The following RAPGEF6 variants were observed in gnomAD, a reference collection of about 807,000 sequenced individuals.
The protein encoded by RAPGEF6 is Rap guanine nucleotide exchange factor 6.
Under a neutral mutation model 171.4 loss-of-function variants are expected in RAPGEF6, and 56 were observed. The ratio of observed to expected loss-of-function variants is 0.33; its 90% CI spans 0.26 to 0.41. The LOEUF (loss-of-function observed/expected upper bound fraction) is 0.41. Among genes scored for constraint, RAPGEF6 ranks in the 10% least tolerant of loss-of-function variants. RAPGEF6 has a pLI of 1.00. For missense variants in RAPGEF6, 1,674 were observed against 1,921.4 expected, an observed-to-expected ratio of 0.87 and a Z score of 2.41; for synonymous variants, 692 against 650.1, an observed-to-expected ratio of 1.06 and a Z score of -0.98.
Position 131,424,371 on chromosome 5 carries a change from C to T in RAPGEF6, c.*2895G>A, listed in dbSNP as rs996121475. The T allele has an allele frequency of 2.6e-5, 4 of 152,218 alleles. No homozygotes were observed. The highest frequency in any genetic ancestry group is 9.7e-5 in the African/African-American group (4 of 41,412). 9.4% of individuals were successfully genotyped at this position (152,218 alleles called of 1,614,324 possible). A position where few individuals can be genotyped will look rare whatever the true frequency, so the allele number is the denominator to read the frequency against. ...TTTGACACTTTTCTGAAGATTTATCCCGTTTTTCTAGCCTTTAAGGTAATG... is the reference window on the plus strand; with the variant it reads ...TTTGACACTTTTCTGAAGATTTATCTCGTTTTTCTAGCCTTTAAGGTAATG... On this transcript the variant is annotated 3_prime_UTR_variant, in exon 28 of 28. Transcript: ENST00000509018.
At position 131,433,589 on chromosome 5, in the gene RAPGEF6, C is replaced by T. The variant is rs767172992; in HGVS notation, c.3815G>A (p.Arg1272Gln). 8 of 1,613,626 alleles carry T rather than the reference C, an allele frequency of 5.0e-6. No homozygotes were observed. The highest frequency in any genetic ancestry group is 2.7e-5 in the African/African-American group (2 of 74,822). ...SDSSHSEISS[R>Q]SSIVSNCSVD... ...AGAACAATTGCTCACGATGCTGGAC[C>T]GTGAAGAAATCTCACTATGGCTGGA... is the stretch of plus-strand genomic sequence containing the variant. The change falls in exon 25 of 28, where the codon CGG becomes CAG. Residue 1272 changes from arginine to glutamine, a missense_variant. Physicochemically the swap from Arg to Gln is conservative, Grantham distance 43. Around this residue, in one of 3 missense-constraint regions of RAPGEF6, gnomAD observed 552 missense variants for 574.2 expected, o/e 0.96. Transcript: ENST00000509018.
chr5:131,565,431 T>C (rs115370001), intron 4 of RAPGEF6, among the ~76,000 whole-genome samples: 1,851 of 152,306 alleles, frequency 0.012, 39 homozygotes, highest in African/African-American at 0.041. Flanking sequence ...CTCTCCGAAG[T>C]GTTCTACAGA....
chr5:131,425,201 A>T lies in RAPGEF6; in HGVS notation c.*2065T>A, dbSNP rs2149801264. 6.6e-6 allele frequency: 1 copy of T among 152,462 alleles called. No homozygotes were observed. The allele number at this position is 152,462 out of a possible 1,614,324, so 9.4% of individuals were successfully genotyped here. A position where few individuals can be genotyped will look rare whatever the true frequency, so the allele number is the denominator to read the frequency against. On this transcript the variant is annotated 3_prime_UTR_variant, in exon 28 of 28. Transcript: ENST00000509018. ...TCAACACTCTGTGCAAGATATTTAC[A>T]CTATTAAGGACAAAGACAGGTAAGG...
rs575951788 is a variant in RAPGEF6, at chr5:131,453,794, G to A, written c.3077-617C>T. ...AACAGCACGTATAGATTGGACACAT[G>A]AATTGTTCAGGGTCTCAACACAAGC... On this transcript the variant is annotated intron_variant, in intron 20 of 27. Coordinates refer to ENST00000509018, the MANE Select transcript of RAPGEF6 (RefSeq NM_016340.6). Among the ~76,000 whole-genome samples, 5 of 152,276 alleles carry A rather than the reference G, an allele frequency of 3.3e-5. No individual in the cohort carries two copies. In the South Asian group the frequency reaches 8.3e-4, roughly 25 times the overall value.
chr5:131,574,216 G>A (rs957431652), intron 4 of RAPGEF6, among the ~76,000 whole-genome samples: 16 of 152,244 alleles, frequency 1.1e-4, no homozygotes, highest in Middle Eastern at 3.4e-3. Context: ...CTATCTGTGC[G>A]GGACCCCACT....
chr5:131,589,416 T>C (rs916415392), intron 4 of RAPGEF6, among the ~76,000 whole-genome samples: 27 of 152,206 alleles, frequency 1.8e-4, no homozygotes, highest in Non-Finnish European at 5.9e-5. Flanking sequence ...TAGCTAGCAA[T>C]GATTGTTGTT....
At chr5:131,435,054 T>C (rs1751932110) in intron 24 of RAPGEF6, among the ~76,000 whole-genome samples, 1 of 152,224 alleles carries the variant, frequency 6.6e-6, no homozygotes, top group Non-Finnish European at 1.5e-5. Flanking sequence ...AGAAAGAGGA[T>C]GACAACATCC....
chr5:131,517,802 C>T (rs1050382831), intron 7 of RAPGEF6, among the ~76,000 whole-genome samples: 2 of 150,612 alleles, frequency 1.3e-5, no homozygotes, highest in Admixed American at 1.3e-4. Context: ...CACACACACA[C>T]ACACACACAC....
intron 6 of RAPGEF6, among the ~76,000 whole-genome samples, chr5:131,539,546 A>C (rs569024272): frequency 1.3e-5 from 2 of 152,274 alleles, no homozygotes; most frequent in East Asian, 3.9e-4. Flanking sequence ...CCTATTTCTT[A>C]CTACAGGAAT....
chr5:131,531,711 C>T (rs3776013), intron 6 of RAPGEF6, among the ~76,000 whole-genome samples: 96,145 of 151,996 alleles, frequency 0.63, 32,367 homozygotes, highest in Non-Finnish European at 0.77. Flanking sequence ...TTTATGACAG[C>T]ATCATATTAA....
intron 15 of RAPGEF6, among the ~76,000 whole-genome samples, chr5:131,487,849 T>C (rs1756024467): frequency 6.6e-6 from 1 of 152,206 alleles, no homozygotes; most frequent in Non-Finnish European, 1.5e-5. Flanking sequence ...ATGCCAGAGT[T>C]ATTAGGGCTT....
rs746273321 is a variant in RAPGEF6, at chr5:131,456,004, T to C, written c.2873A>G (p.Asn958Ser). Residue 958 changes from asparagine to serine, a missense_variant, in exon 20 of 28, where the codon AAC becomes AGC. Asn to Ser is a conservative substitution (Grantham distance 46). Coordinates refer to ENST00000509018, the MANE Select transcript of RAPGEF6 (RefSeq NM_016340.6). ...NSMFAIISGL[N>S]LASVARLRGT... The stretch of plus-strand genomic sequence containing the variant: ...TCTGAGTCTTGCTACAGATGCCAGG[T>C]TCAAGCCACTGCCAAAGATGAGAAT... 1 of 1,613,864 alleles carries C rather than the reference T, an allele frequency of 6.2e-7. No individual in the cohort carries two copies. The highest frequency in any genetic ancestry group is 8.5e-7 in the Non-Finnish European group (1 of 1,179,904).
Position 131,428,932 on chromosome 5 carries a change from C to A in RAPGEF6, c.4750G>T (p.Asp1584Tyr), listed in dbSNP as rs774656914. Residue 1584 changes from aspartate to tyrosine, a missense_variant, in exon 27 of 28, where the codon GAT becomes TAT. Around this residue, in one of 3 missense-constraint regions of RAPGEF6, gnomAD observed 552 missense variants for 574.2 expected, o/e 0.96. Coordinates refer to ENST00000509018, the MANE Select transcript of RAPGEF6 (RefSeq NM_016340.6). ...GCTTCGCTATCTGCATCAGTCACATCTCCTAGTTTAGGATGGAATGGCTGC... is the reference window on the plus strand; with the variant it reads ...GCTTCGCTATCTGCATCAGTCACATATCCTAGTTTAGGATGGAATGGCTGC... ...NLQPFHPKLG[D>Y]VTDADSEADE... 7.4e-6 allele frequency: 12 copies of A among 1,613,986 alleles called. No individual in the cohort carries two copies. Among genetic ancestry groups the A allele is most frequent in the Middle Eastern group, 1.6e-4 (1 of 6,080 alleles).
At chr5:131,430,691 C>CT (rs750244189) in intron 26 of RAPGEF6, 168 bp downstream of exon 26, 2 of 977,370 alleles carry the variant, frequency 2.0e-6, no homozygotes, top group Admixed American at 3.5e-5. Flanking sequence ...GCTCCAAAGT[C>CT]TTTGAGAAAC....
chr5:131,469,897 A>T, intron 17 of RAPGEF6: 2 of 1,072,812 alleles, frequency 1.9e-6, no homozygotes, highest in Non-Finnish European at 2.7e-6. Context: ...CCCCACTTTC[A>T]TTTTGATCTA....
intron 1 of RAPGEF6, among the ~76,000 whole-genome samples, chr5:131,620,542 C>A (rs1765535573): frequency 6.6e-6 from 1 of 152,120 alleles, no homozygotes; most frequent in Non-Finnish European, 1.5e-5. Flanking sequence ...TTCAGTATTT[C>A]CCAGTGAATA....
rs1211844480 is a variant in RAPGEF6 at position 131,469,944 on chromosome 5, GC to G, written c.2239+2642del. 8.2e-6 allele frequency: 5 copies of G among 606,800 alleles called. No homozygotes were observed. In the Admixed American group the frequency reaches 1.3e-4, roughly 16 times the overall value. 37.6% of individuals were successfully genotyped at this position (606,800 alleles called of 1,614,324 possible). On this transcript the variant is annotated intron_variant, in intron 17 of 27. Coordinates refer to ENST00000509018, the MANE Select transcript of RAPGEF6 (RefSeq NM_016340.6). ...GAAAATGAAGGATAAATATAGGTAA[GC>G]TCAAGACCAATAAACATTAATCAAA... is the stretch of plus-strand genomic sequence containing the variant.
chr5:131,591,279 A>G (rs926145342), intron 4 of RAPGEF6, among the ~76,000 whole-genome samples: 2 of 152,206 alleles, frequency 1.3e-5, no homozygotes, highest in Admixed American at 6.5e-5. Context: ...TTATGTCACT[A>G]AAGCATACGT....
At chr5:131,547,645 G>C (rs932536846) in intron 6 of RAPGEF6, among the ~76,000 whole-genome samples, 1 of 151,536 alleles carries the variant, frequency 6.6e-6, no homozygotes, top group African/African-American at 2.4e-5. Context: ...AAATAACTGT[G>C]ACTACAGGCA....
Sources: gnomAD v4.1 joint callset for allele counts (sites outside exome capture counted in the v4.1 genomes callset) on GRCh38, gnomAD v4.1.1 for gene constraint, gnomAD v4.1.1 regional missense constraint, MANE v1.5 for transcripts, NCBI Gene and HGNC (gene_info 2026-07-23, HGNC 2026-07-21) for gene names.